Variants in PLXDC1 observed in about 807,000 individuals in gnomAD.
PLXDC1 encodes the protein plexin domain containing 1.
In PLXDC1, 39 loss-of-function variants were observed where a neutral mutation model predicts 61.3. The ratio of observed to expected loss-of-function variants is 0.64; its 90% CI spans 0.49 to 0.83. The LOEUF (loss-of-function observed/expected upper bound fraction) is 0.83, where lower values mean the gene tolerates loss of function less well. Ranked by LOEUF, PLXDC1 falls within the 40% of genes least tolerant of loss-of-function variation. PLXDC1 has a pLI of 0.00. For missense variants in PLXDC1, 596 were observed against 666.5 expected (o/e 0.89, Z 1.17); for synonymous variants, 212 against 254.5 (o/e 0.83, Z 1.59).
intron 13 of PLXDC1, among the ~76,000 whole-genome samples, chr17:39,068,396 G>A (rs1908979361): frequency 6.6e-6 from 1 of 152,194 alleles, no homozygotes; most frequent in South Asian, 2.1e-4. Flanking sequence ...TGCAGATTCT[G>A]GCCTGTGCAG....
chr17:39,090,367 C>T (rs1909900423), intron 7 of PLXDC1, among the ~76,000 whole-genome samples: 2 of 152,276 alleles, frequency 1.3e-5, no homozygotes, highest in Admixed American at 6.5e-5. Context: ...GCTGGTGCCC[C>T]CCACTCCCAT....
intron 11 of PLXDC1, among the ~76,000 whole-genome samples, chr17:39,076,394 C>T (rs1008807625): frequency 4.0e-5 from 6 of 151,016 alleles, no homozygotes; most frequent in Non-Finnish European, 7.4e-5. Flanking sequence ...GCCTGCAGTC[C>T]GAGCTGCTTG....
At chr17:39,083,738 G>A (rs541325612) in intron 8 of PLXDC1, among the ~76,000 whole-genome samples, 198 bp from the exon 9 acceptor site, 1 of 151,060 alleles carries the variant, frequency 6.6e-6, no homozygotes, top group Admixed American at 6.6e-5. Context: ...AGGTCTCGCT[G>A]TGTTGCCCAG....
intron 1 of PLXDC1, among the ~76,000 whole-genome samples, chr17:39,150,241 T>C (rs1319680096): frequency 6.6e-6 from 1 of 152,034 alleles, no homozygotes; most frequent in Non-Finnish European, 1.5e-5. Context: ...GTCAGCCTCC[T>C]TCCCCTCCCA....
intron 12 of PLXDC1, among the ~76,000 whole-genome samples, chr17:39,071,100 C>T (rs12944738): frequency 0.27 from 40,962 of 152,134 alleles, 6,378 homozygotes; most frequent in East Asian, 0.43. Context: ...ATCCTAGGCA[C>T]TTGAAATACG....
chr17:39,147,222 C>T (rs1275749992), intron 1 of PLXDC1, among the ~76,000 whole-genome samples: 1 of 152,160 alleles, frequency 6.6e-6, no homozygotes, highest in Non-Finnish European at 1.5e-5. Flanking sequence ...TCCCAAAGTG[C>T]TGGGATTACA....
At chr17:39,093,609 G>C (rs899513269) in intron 7 of PLXDC1, among the ~76,000 whole-genome samples, 1 of 151,958 alleles carries the variant, frequency 6.6e-6, no homozygotes, top group Admixed American at 6.6e-5. Context: ...CCAGCTACCC[G>C]GGTGGCTGAG....
Position 39,108,440 on chromosome 17 carries a change from C to T in PLXDC1, c.470-195G>A, listed in dbSNP as rs139567105. On this transcript the variant is annotated intron_variant, in intron 4 of 13. Coordinates refer to ENST00000315392, the MANE Select transcript of PLXDC1 (RefSeq NM_020405.5). Reference sequence around the variant, plus strand: ...AAAGGACCCCAGATAGGAGAAGGTCCTCCCTGTCCCTTCAGCAGGGCACAG... The same window carrying T: ...AAAGGACCCCAGATAGGAGAAGGTCTTCCCTGTCCCTTCAGCAGGGCACAG... 9.4e-4 allele frequency: 566 copies of T among 601,716 alleles called. 4 individuals carry two copies. Among genetic ancestry groups the T allele is most frequent in the African/African-American group, 9.2e-3 (496 of 54,050 alleles). 37.3% of individuals were successfully genotyped at this position (601,716 alleles called of 1,614,324 possible).
intron 10 of PLXDC1, 84 bp downstream of exon 10, chr17:39,079,020 G>A: frequency 9.1e-7 from 1 of 1,100,704 alleles, no homozygotes; most frequent in Non-Finnish European, 1.4e-6. Context: ...CTTGAGAAGA[G>A]TTTCCAGGGG....
intron 7 of PLXDC1, among the ~76,000 whole-genome samples, chr17:39,100,171 G>A (rs1348134762): frequency 6.6e-6 from 1 of 152,148 alleles, no homozygotes; most frequent in Non-Finnish European, 1.5e-5. Flanking sequence ...TGAAAGCTCT[G>A]AAGCCGGTCC....
chr17:39,138,483 C>T (rs554318040), intron 2 of PLXDC1, among the ~76,000 whole-genome samples: 1 of 152,268 alleles, frequency 6.6e-6, no homozygotes, highest in Admixed American at 6.5e-5. Context: ...AAAGGTTGCT[C>T]AGCGGGAGTA....
intron 6 of PLXDC1, among the ~76,000 whole-genome samples, chr17:39,106,945 C>T (rs1910616185): frequency 6.6e-6 from 1 of 151,948 alleles, no homozygotes; most frequent in Admixed American, 6.6e-5. Flanking sequence ...AGCCACCGCA[C>T]CTGGCCCATG....
intron 7 of PLXDC1, among the ~76,000 whole-genome samples, chr17:39,096,249 A>AG (rs1330310352): frequency 5.3e-5 from 8 of 152,198 alleles, no homozygotes; most frequent in East Asian, 1.9e-4. Context: ...GGGGAGAAGT[A>AG]GGGGGGTCCC....
intron 2 of PLXDC1, among the ~76,000 whole-genome samples, chr17:39,134,012 C>T (rs138525324): frequency 0.067 from 10,200 of 152,106 alleles, 452 homozygotes; most frequent in East Asian, 0.13. Flanking sequence ...AATCCCAGCA[C>T]TTTGGGAGGT....
intron 7 of PLXDC1, among the ~76,000 whole-genome samples, chr17:39,090,701 G>C (rs1377925678): frequency 6.6e-6 from 1 of 152,174 alleles, no homozygotes; most frequent in Non-Finnish European, 1.5e-5. Flanking sequence ...AAGCATGTGA[G>C]CCCCTTTTCT....
chr17:39,112,010 A>G (rs139250053), intron 2 of PLXDC1: 103 of 152,250 alleles, frequency 6.8e-4, no homozygotes, highest in African/African-American at 2.4e-3. Flanking sequence ...CTAATGCTTC[A>G]TGTTTTTCCT....
chr17:39,130,823 A>G (rs1036736711), intron 2 of PLXDC1, among the ~76,000 whole-genome samples: 9 of 152,134 alleles, frequency 5.9e-5, no homozygotes, highest in Non-Finnish European at 1.2e-4. Flanking sequence ...CGGCCTCCCA[A>G]AGTGCTGGGA....
chr17:39,110,862 A>C (rs945250231), intron 2 of PLXDC1, among the ~76,000 whole-genome samples: 1 of 152,254 alleles, frequency 6.6e-6, no homozygotes, highest in East Asian at 1.9e-4. Context: ...TGAGCGGAAG[A>C]AGCATGGTTG....
At chr17:39,111,517 T>C (rs990044900) in intron 2 of PLXDC1, among the ~76,000 whole-genome samples, 1 of 152,142 alleles carries the variant, frequency 6.6e-6, no homozygotes, top group African/African-American at 2.4e-5. Context: ...ACTCCTGACC[T>C]CAAGTGATCC....
Sources: gnomAD v4.1 joint callset for allele counts (sites outside exome capture counted in the v4.1 genomes callset) on GRCh38, gnomAD v4.1.1 for gene constraint, MANE v1.5 for transcripts, NCBI Gene and HGNC (gene_info 2026-07-23, HGNC 2026-07-21) for gene names.